Variants in ASZ1 observed in about 807,000 individuals in gnomAD.
The protein encoded by ASZ1 is ankyrin repeat, SAM and basic leucine zipper domain-containing protein 1.
A neutral mutation model predicts 61.8 loss-of-function variants in ASZ1; 67 were observed. The observed-to-expected ratio is 1.08, with a 90% CI of 0.89 to 1.33. The LOEUF is 1.33. ASZ1 is among the 40% of genes most tolerant of loss of function. The probability of loss-of-function intolerance (pLI) is 0.00; values close to 1 mark genes in which losing one functional copy is unlikely to be tolerated. For synonymous variants in ASZ1, 193 were observed against 192.7 expected, an observed-to-expected ratio of 1.00 and a Z score of -0.01; for missense variants, 577 against 554.5, an observed-to-expected ratio of 1.04 and a Z score of -0.41.
chr7:117,383,022 G>C lies in ASZ1; in HGVS notation c.776C>G (p.Thr259Arg), dbSNP rs1237409282. Residue 259 changes from threonine (T) to arginine (R), a missense_variant, in exon 7 of 13, where the codon ACA becomes AGA. Coordinates refer to ENST00000284629, the MANE Select transcript of ASZ1 (RefSeq NM_130768.3). Reference sequence around the variant, plus strand: ...ATCTTTTTCTCTATCAGAATCTGTTGTCAATATTTTACAAATAGTGTCTTC... The same window carrying C: ...ATCTTTTTCTCTATCAGAATCTGTTCTCAATATTTTACAAATAGTGTCTTC... ...TKEDTICKIL[T>R]TDSDREKDHI... 1.3e-6 allele frequency: 2 copies of C among 1,588,684 alleles called. No individual in the cohort carries two copies. Among genetic ancestry groups the C allele is most frequent in the Non-Finnish European group, 1.7e-6 (2 of 1,169,468 alleles).
intron 10 of ASZ1, among the ~76,000 whole-genome samples, chr7:117,373,002 CAG>C (rs1348972583): frequency 1.3e-4 from 20 of 152,136 alleles, no homozygotes; most frequent in Non-Finnish European, 1.0e-4. Flanking sequence ...TTATAAATAA[CAG>C]GGGTGAACAA....
chr7:117,413,184 A>G (rs1384413861), intron 4 of ASZ1, among the ~76,000 whole-genome samples: 2 of 151,992 alleles, frequency 1.3e-5, no homozygotes, highest in African/African-American at 4.8e-5. Context: ...ACTGTTGTGA[A>G]AACATCCTAA....
At chr7:117,419,550 CAAAG>C (rs1797060719) in intron 4 of ASZ1, among the ~76,000 whole-genome samples, 1 of 151,940 alleles carries the variant, frequency 6.6e-6, no homozygotes, top group African/African-American at 2.4e-5. Context: ...AAATGAAACA[CAAAG>C]AGAGATTTAA....
chr7:117,374,808 A>C (rs1297153063), intron 10 of ASZ1, among the ~76,000 whole-genome samples: 1 of 152,008 alleles, frequency 6.6e-6, no homozygotes, highest in Non-Finnish European at 1.5e-5. Flanking sequence ...AGAGGCAAAA[A>C]ATTTGGTTTG....
chr7:117,385,319 G>C (rs1383004062), intron 5 of ASZ1, among the ~76,000 whole-genome samples: 2 of 151,880 alleles, frequency 1.3e-5, no homozygotes, highest in Non-Finnish European at 2.9e-5. Context: ...AAGTGCAGTG[G>C]TGCGATCTTG....
rs768282961 is a variant in ASZ1, at chr7:117,381,045, T to G, written c.911A>C (p.His304Pro). The change falls in exon 9 of 13, where the codon CAT (histidine) becomes CCT (proline). Residue 304 changes from histidine (H) to proline (P), a missense_variant. Coordinates refer to ENST00000284629, the MANE Select transcript of ASZ1 (RefSeq NM_130768.3). ...LLKERDITLR[H>P]LLTMREDEFT... is the part of the protein sequence containing the mutation. ...TTCATCTTCCCTCATGGTCAAAAGATGTCTTAACGTTATATCCCTTTCCTG... is the reference window on the plus strand; with the variant it reads ...TTCATCTTCCCTCATGGTCAAAAGAGGTCTTAACGTTATATCCCTTTCCTG... The G allele has an allele frequency of 6.3e-7, 1 of 1,597,906 alleles. No homozygotes were observed. Among genetic ancestry groups the G allele is most frequent in the East Asian group, 2.3e-5 (1 of 44,426 alleles).
Position 117,427,483 on chromosome 7 carries a change from C to A in ASZ1, c.-23G>T. 1.2e-6 allele frequency: 2 copies of A among 1,611,794 alleles called. No individual in the cohort carries two copies. The highest frequency in any genetic ancestry group is 2.2e-5 in the South Asian group (2 of 90,932). On this transcript the variant is annotated 5_prime_UTR_variant, in exon 1 of 13. Coordinates refer to ENST00000284629, the MANE Select transcript of ASZ1 (RefSeq NM_130768.3). Reference sequence around the variant, plus strand: ...CATGCCAGCCAAGGAAGCTCCCTGTCGGCACCGCGCGCCCTTCAGCTCTCC... The same window carrying A: ...CATGCCAGCCAAGGAAGCTCCCTGTAGGCACCGCGCGCCCTTCAGCTCTCC...
At chr7:117,415,753 T>C (rs1180196838) in intron 4 of ASZ1, among the ~76,000 whole-genome samples, 1 of 150,742 alleles carries the variant, frequency 6.6e-6, no homozygotes, top group African/African-American at 2.4e-5. Context: ...CTGAAAAAAA[T>C]GAAATATAAA....
chr7:117,404,341 T>C (rs976531245), intron 4 of ASZ1, among the ~76,000 whole-genome samples: 2 of 151,568 alleles, frequency 1.3e-5, no homozygotes, highest in Admixed American at 1.3e-4. Flanking sequence ...TTTTTTTTTT[T>C]CAGTAGGTAT....
At chr7:117,414,575 G>A (rs1796953249) in intron 4 of ASZ1, among the ~76,000 whole-genome samples, 1 of 151,998 alleles carries the variant, frequency 6.6e-6, no homozygotes, top group East Asian at 1.9e-4. Flanking sequence ...ATGGTGGTTT[G>A]TGCACCCATA....
Position 117,381,042 on chromosome 7 carries a change from A to T in ASZ1, c.914T>A (p.Leu305His). Residue 305 changes from leucine (L) to histidine (H), a missense_variant, in exon 9 of 13, where the codon CTT (leucine) becomes CAT (histidine). By Grantham distance (99) the Leu-to-His change is moderately conservative. Coordinates refer to ENST00000284629, the MANE Select transcript of ASZ1 (RefSeq NM_130768.3). Reference protein sequence around the residue: ...LKERDITLRHLLTMREDEFTK... With the variant: ...LKERDITLRHHLTMREDEFTK... Reference sequence around the variant, plus strand: ...AAATTCATCTTCCCTCATGGTCAAAAGATGTCTTAACGTTATATCCCTTTC... The same window carrying T: ...AAATTCATCTTCCCTCATGGTCAAATGATGTCTTAACGTTATATCCCTTTC... The T allele has an allele frequency of 6.3e-7, 1 of 1,598,552 alleles. No individual in the cohort carries two copies. Among genetic ancestry groups the T allele is most frequent in the Non-Finnish European group, 8.5e-7 (1 of 1,171,948 alleles).
rs748300645 is a variant in ASZ1 at position 117,427,396 on chromosome 7, T to A, written c.65A>T (p.Asp22Val). The change falls in exon 1 of 13, where the codon GAT becomes GTT. Residue 22 changes from aspartate (D) to valine (V), a missense_variant. Asp to Val is a radical substitution (Grantham distance 152). Coordinates refer to ENST00000284629, the MANE Select transcript of ASZ1 (RefSeq NM_130768.3). Reference protein sequence around the residue: ...AGGGESSESEDDGWEIGYLDR... With the variant: ...AGGGESSESEVDGWEIGYLDR... The stretch of plus-strand genomic sequence containing the variant: ...GAGATACCCAATCTCCCAGCCATCA[T>A]CCTCGCTCTCGCTACTCTCGCCTCC... The A allele has an allele frequency of 5.0e-6, 8 of 1,614,062 alleles. 1 individual carries two copies. In the South Asian group the frequency reaches 7.7e-5, roughly 16 times the overall value.
At chr7:117,367,598 T>C in intron 11 of ASZ1, 133 bp from the exon 12 acceptor site, 4 of 1,167,032 alleles carry the variant, frequency 3.4e-6, no homozygotes, top group East Asian at 3.3e-5. Context: ...TTAGGATAAA[T>C]ACTGACACCA....
At chr7:117,422,535 A>G (rs1797119433) in intron 2 of ASZ1, among the ~76,000 whole-genome samples, 176 bp from the exon 3 acceptor site, 2 of 152,212 alleles carry the variant, frequency 1.3e-5, no homozygotes, top group Admixed American at 1.3e-4. Context: ...CATTAACACA[A>G]TTTGCTAACT....
intron 2 of ASZ1, among the ~76,000 whole-genome samples, chr7:117,423,130 A>G (rs944085546): frequency 1.3e-5 from 2 of 152,186 alleles, no homozygotes; most frequent in East Asian, 1.9e-4. Flanking sequence ...AAAAATGACT[A>G]TCAAATTCTG....
chr7:117,407,091 G>T (rs1796798725), intron 4 of ASZ1, among the ~76,000 whole-genome samples: 1 of 151,992 alleles, frequency 6.6e-6, no homozygotes, highest in Admixed American at 6.6e-5. Flanking sequence ...AAGGCAGGTA[G>T]ACTAAACAAT....
At chr7:117,373,220 A>C (rs770375844) in intron 10 of ASZ1, among the ~76,000 whole-genome samples, 11 of 152,106 alleles carry the variant, frequency 7.2e-5, no homozygotes. Context: ...TTAGCAACAG[A>C]ATGGATATTA....
chr7:117,388,703 G>A (rs1796405746), intron 4 of ASZ1, among the ~76,000 whole-genome samples: 1 of 152,100 alleles, frequency 6.6e-6, no homozygotes. Context: ...TGGTGAAAGA[G>A]TACTTTCCCC....
chr7:117,420,353 C>T, intron 3 of ASZ1, 79 bp from the exon 4 acceptor site: 4 of 976,094 alleles, frequency 4.1e-6, no homozygotes, highest in Non-Finnish European at 6.2e-6. Context: ...TCAAAACATT[C>T]TATTATTGCA....
Sources: gnomAD v4.1 joint callset for allele counts (sites outside exome capture counted in the v4.1 genomes callset) on GRCh38, gnomAD v4.1.1 for gene constraint, MANE v1.5 for transcripts, NCBI Gene and HGNC (gene_info 2026-07-23, HGNC 2026-07-21) for gene names.